KIAA1191: variants seen among roughly 807,000 people sequenced by gnomAD.
KIAA1191 encodes putative monooxygenase p33MONOX.
KIAA1191 carries 22 observed loss-of-function variants against 31.1 expected under a neutral mutation model. That is an observed-to-expected ratio of 0.71 (90% CI 0.51 to 1.01). The LOEUF (loss-of-function observed/expected upper bound fraction) is 1.01, where lower values mean the gene tolerates loss of function less well. KIAA1191 is among the 50% of genes least tolerant of loss of function. KIAA1191 has a pLI of 0.00. For missense variants in KIAA1191, 319 were observed against 388.0 expected (o/e 0.82, Z 1.49); for synonymous variants, 130 against 143.9 (o/e 0.90, Z 0.69).
intron 6 of KIAA1191, 49 bp downstream of exon 6, chr5:176,350,564 A>G: frequency 1.9e-6 from 3 of 1,596,192 alleles, no homozygotes; most frequent in East Asian, 4.5e-5. Context: ...CCACATTTCA[A>G]GCCATGAACA....
Position 176,347,260 on chromosome 5 carries a change from G to C in KIAA1191, c.*340C>G, listed in dbSNP as rs536826761. On this transcript the variant is annotated 3_prime_UTR_variant, in exon 9 of 9. Coordinates refer to ENST00000298569, the MANE Select transcript of KIAA1191 (RefSeq NM_020444.5). ...TCTGTCGCCCAGGCTGGAGTGTAATGGCATGATCTCAGCTCGGTACAACAT... is the reference window on the plus strand; with the variant it reads ...TCTGTCGCCCAGGCTGGAGTGTAATCGCATGATCTCAGCTCGGTACAACAT... 1.2e-5 allele frequency: 2 copies of C among 166,226 alleles called. No individual in the cohort carries two copies. Among genetic ancestry groups the C allele is most frequent in the Non-Finnish European group, 2.6e-5 (2 of 77,510 alleles). The allele number at this position is 166,226 out of a possible 1,614,324, so 10.3% of individuals were successfully genotyped here. A position where few individuals can be genotyped will look rare whatever the true frequency, so the allele number is the denominator to read the frequency against.
chr5:176,349,652 G>A (rs1290322724), intron 6 of KIAA1191, among the ~76,000 whole-genome samples: 1 of 152,156 alleles, frequency 6.6e-6, no homozygotes, highest in East Asian at 1.9e-4. Context: ...CAGCCTGGGT[G>A]ACTGCAAACA....
intron 4 of KIAA1191, 137 bp from the exon 5 acceptor site, chr5:176,352,885 G>C: frequency 1.1e-6 from 1 of 891,242 alleles, no homozygotes; most frequent in Non-Finnish European, 1.6e-6. Context: ...GGAGGAGTTG[G>C]TCATCTCCAC....
chr5:176,350,876 G>T, intron 5 of KIAA1191, 139 bp from the exon 6 acceptor site: 1 of 1,033,308 alleles, frequency 9.7e-7, no homozygotes, highest in Non-Finnish European at 1.4e-6. Flanking sequence ...TTTCCCCAGA[G>T]AGGCACCACA....
rs11407015 is a variant in KIAA1191 at position 176,355,417 on chromosome 5, A to AG, written c.207+153_207+154insC. ...AACAAAATAAATAAAATCTTAAAAA[A>AG]AAAAAAAAGACAGCTATAACTGAGG... On this transcript the variant is annotated intron_variant, in intron 4 of 8. Transcript: ENST00000298569. The surrounding 1 kb of genome is among the most constrained non-coding windows in gnomAD (Gnocchi z 4.2). 0.74 allele frequency among the ~76,000 whole-genome samples: 111,573 copies of AG among 151,258 alleles called. 41,333 individuals are homozygous for AG. Among genetic ancestry groups the AG allele is most frequent in the Middle Eastern group, 0.84 (247 of 294 alleles).
rs1444681012 is a variant in KIAA1191 at position 176,347,504 on chromosome 5, T to G, written c.*96A>C. ...GCGTGAGCCACCACGCCCAGCTGAT[T>G]AAGTTTTTAAATATACCTTTCCTAT... On this transcript the variant is annotated 3_prime_UTR_variant, in exon 9 of 9. Coordinates refer to ENST00000298569, the MANE Select transcript of KIAA1191 (RefSeq NM_020444.5). 1.9e-6 allele frequency: 2 copies of G among 1,051,278 alleles called. No individual in the cohort carries two copies. Among genetic ancestry groups the G allele is most frequent in the Non-Finnish European group, 2.6e-6 (2 of 762,512 alleles). 65.1% of individuals were successfully genotyped at this position (1,051,278 alleles called of 1,614,324 possible).
intron 5 of KIAA1191, among the ~76,000 whole-genome samples, chr5:176,351,675 T>C (rs1363025309): frequency 6.6e-6 from 1 of 151,480 alleles, no homozygotes; most frequent in African/African-American, 2.4e-5. Context: ...GGAGAATTGC[T>C]TGAACCTGGG....
intron 5 of KIAA1191, 54 bp downstream of exon 5, chr5:176,352,568 C>G: frequency 6.3e-7 from 1 of 1,586,726 alleles, no homozygotes. Context: ...TGTAGGAAGC[C>G]TCAACTCTTC....
chr5:176,359,382 G>C (rs1448334867), intron 3 of KIAA1191, 99 bp downstream of exon 3: 5 of 1,057,842 alleles, frequency 4.7e-6, no homozygotes, highest in Admixed American at 3.8e-5. Context: ...TGGTAGCAGA[G>C]ATTAACCATT....
chr5:176,354,104 GT>G (rs1767284885), intron 4 of KIAA1191: 2 of 152,224 alleles, frequency 1.3e-5, no homozygotes, highest in Non-Finnish European at 2.9e-5. Context: ...CTAAGAGAAA[GT>G]TAAGCAGGGA....
At chr5:176,352,291 C>T (rs1767103261) in intron 5 of KIAA1191, among the ~76,000 whole-genome samples, 2 of 152,180 alleles carry the variant, frequency 1.3e-5, no homozygotes, top group Admixed American at 6.5e-5. Flanking sequence ...TGATCCTCAC[C>T]TCAACCTGCC....
intron 5 of KIAA1191, 40 bp downstream of exon 5, chr5:176,352,582 G>A (rs1334581015): frequency 6.2e-7 from 1 of 1,602,744 alleles, no homozygotes; most frequent in Non-Finnish European, 8.5e-7. Flanking sequence ...ACTCTTCCCT[G>A]CCCCTATGGC....
In KIAA1191 at chr5:176,359,580, C is replaced by G. The variant is rs1767813931; in HGVS notation, c.-59-13G>C. On this transcript the variant is annotated splice_polypyrimidine_tract_variant and intron_variant, in intron 2 of 8. Transcript: ENST00000298569. ...GAGTCCCTGCCACCTAATAAAATAA[C>G]AAAGGGCATTTTCTTATGGTGAGCA... is the stretch of plus-strand genomic sequence containing the variant. 1.6e-6 allele frequency: 2 copies of G among 1,213,246 alleles called. No individual in the cohort carries two copies. Among genetic ancestry groups the G allele is most frequent in the African/African-American group, 1.5e-5 (1 of 66,914 alleles). The allele number at this position is 1,213,246 out of a possible 1,614,324, so 75.2% of individuals were successfully genotyped here. A position where few individuals can be genotyped will look rare whatever the true frequency, so the allele number is the denominator to read the frequency against.
At position 176,355,237 on chromosome 5, in the gene KIAA1191, GA is replaced by G. The variant is rs1374824440; in HGVS notation, c.207+333del. Among the ~76,000 whole-genome samples, 11 of 142,636 alleles carry G rather than the reference GA, an allele frequency of 7.7e-5. No individual in the cohort carries two copies. Among genetic ancestry groups the G allele is most frequent in the Middle Eastern group, 3.6e-3 (1 of 278 alleles). 93.6% of individuals were successfully genotyped at this position (142,636 alleles called of 152,430 possible). ...GGCCATTCTAGTTTTGAATTAAAAA[GA>G]AAAAAAAAAGGAGGGAGATTTAAAA... On this transcript the variant is annotated intron_variant, in intron 4 of 8. Coordinates refer to ENST00000298569, the MANE Select transcript of KIAA1191 (RefSeq NM_020444.5). This position sits in a 1 kb window ranked among gnomAD's most constrained non-coding sequence, Gnocchi z 4.2.
rs1476703129 is a variant in KIAA1191 at position 176,346,212 on chromosome 5, C to T, written c.*1388G>A. The T allele has an allele frequency of 6.6e-6, 1 of 152,172 alleles. No homozygotes were observed. The highest frequency in any genetic ancestry group is 1.5e-5 in the Non-Finnish European group (1 of 68,038). 9.4% of individuals were successfully genotyped at this position (152,172 alleles called of 1,614,324 possible). The stretch of plus-strand genomic sequence containing the variant: ...ACAAGGTACTATCCAAAACAAAAAG[C>T]AGGTATTTGAGACAGTGTTCAAGAC... On this transcript the variant is annotated 3_prime_UTR_variant, in exon 9 of 9. Transcript: ENST00000298569.
intron 3 of KIAA1191, among the ~76,000 whole-genome samples, chr5:176,359,021 T>G (rs1480988308): frequency 6.1e-5 from 9 of 147,612 alleles, no homozygotes; most frequent in Non-Finnish European, 1.3e-4. Context: ...GAGGCGGAGC[T>G]TGCAGTGAGC....
At chr5:176,358,233 C>G (rs1437328903) in intron 3 of KIAA1191, among the ~76,000 whole-genome samples, 1 of 152,184 alleles carries the variant, frequency 6.6e-6, no homozygotes, top group Non-Finnish European at 1.5e-5. Flanking sequence ...ATCCCACCTC[C>G]CCATCACCCC....
chr5:176,349,824 T>C (rs1050441068), intron 6 of KIAA1191, among the ~76,000 whole-genome samples: 4 of 151,804 alleles, frequency 2.6e-5, no homozygotes, highest in Non-Finnish European at 5.9e-5. Context: ...AAATAAAGCT[T>C]GGAACAAGCC....
At position 176,355,628 on chromosome 5, in the gene KIAA1191, C is replaced by G; in HGVS notation, c.150G>C (p.Met50Ile). 6.2e-7 allele frequency: 1 copy of G among 1,612,544 alleles called. No individual in the cohort carries two copies. The highest frequency in any genetic ancestry group is 1.1e-5 in the South Asian group (1 of 91,010). Residue 50 changes from methionine to isoleucine, a missense_variant, in exon 4 of 9, where the codon ATG becomes ATC. By Grantham distance (10) the Met-to-Ile change is conservative. Coordinates refer to ENST00000298569, the MANE Select transcript of KIAA1191 (RefSeq NM_020444.5). This position sits in a 1 kb window ranked among gnomAD's most constrained non-coding sequence, Gnocchi z 4.2. ...PAPMTPPPSD[M>I]GSVPWKPVIP... ...TCACTGGCTTCCAAGGGACGCTGCCCATGTCCGATGGAGGAGGAGTCATGG... is the reference window on the plus strand; with the variant it reads ...TCACTGGCTTCCAAGGGACGCTGCCGATGTCCGATGGAGGAGGAGTCATGG...
Sources: gnomAD v4.1 joint callset for allele counts (sites outside exome capture counted in the v4.1 genomes callset) on GRCh38, gnomAD v4.1.1 for gene constraint, Gnocchi (gnomAD v3.1) non-coding constraint, MANE v1.5 for transcripts, NCBI Gene and HGNC (gene_info 2026-07-23, HGNC 2026-07-21) for gene names.